The following PGM3 variants were observed in gnomAD, a reference collection of about 807,000 sequenced individuals.
The protein encoded by PGM3 is phosphoglucomutase 3.
Under a neutral mutation model 66.2 loss-of-function variants are expected in PGM3, and 40 were observed. The observed-to-expected ratio is 0.60, with a 90% confidence interval of 0.47 to 0.79. The LOEUF is 0.79. Among genes scored for constraint, PGM3 ranks in the 30% least tolerant of loss-of-function variants. The probability of loss-of-function intolerance (pLI) is 0.00; values close to 1 mark genes in which losing one functional copy is unlikely to be tolerated. For synonymous variants in PGM3, 191 were observed against 224.2 expected (o/e 0.85, Z 1.32); for missense variants, 537 against 643.4 (o/e 0.83, Z 1.79).
downstream of PGM3, chr6:83,159,714 T>A (rs59285083): frequency 4.7e-4 from 691 of 1,477,422 alleles, 6 homozygotes; most frequent in African/African-American, 6.6e-3. Flanking sequence ...ATGAAAAATA[T>A]TAGCTGGTAC....
chr6:83,191,416 G>C, intron 1 of PGM3: 1 of 609,510 alleles, frequency 1.6e-6, no homozygotes, highest in South Asian at 2.0e-5. Context: ...AATTAACATA[G>C]ATAGCTGGTG....
At chr6:83,161,321 A>G (rs572984139), downstream of PGM3, 14 of 152,172 alleles carry the variant, frequency 9.2e-5, no homozygotes, top group Non-Finnish European at 1.8e-4. Context: ...AAAAATCTAT[A>G]AAGTAGAAAG....
chr6:83,162,938 ATTGT>A, downstream of PGM3: 1 of 1,605,584 alleles, frequency 6.2e-7, no homozygotes, highest in Non-Finnish European at 8.5e-7. Flanking sequence ...TTCTTTTGTG[ATTGT>A]TTTGTTTTAC....
chr6:83,188,414 T>A, intron 3 of PGM3, 200 bp downstream of exon 3: 1 of 504,974 alleles, frequency 2.0e-6, no homozygotes, highest in Non-Finnish European at 3.5e-6. Flanking sequence ...AGTAGGGTTT[T>A]AAACCAGAGT....
chr6:83,174,451 G>T lies in PGM3; in HGVS notation c.1165C>A (p.Gln389Lys). Residue 389 changes from glutamine to lysine, a missense_variant, in exon 10 of 13, where the codon CAA (glutamine) becomes AAA (lysine). By Grantham distance (53) the Gln-to-Lys change is moderately conservative. Transcript: ENST00000513973. ...FSTAVEMKIK[Q>K]SAEQLEDKKR... ...TTATCTTCCAGTTGTTCTGCTGATT[G>T]TTTTATCTTCATTTCAACAGCTGTA... The T allele has an allele frequency of 1.2e-6, 2 of 1,603,592 alleles. No homozygotes were observed. The highest frequency in any genetic ancestry group is 1.7e-5 in the Admixed American group (1 of 58,482).
At chr6:83,148,858 A>T in the PGM3 span, 8 of 1,521,770 alleles carry the variant, frequency 5.3e-6, no homozygotes, top group Non-Finnish European at 6.1e-6. Flanking sequence ...AGTTTCTTAT[A>T]CTTGGGTAAG....
At chr6:83,193,790 C>T (rs1010127597), upstream of PGM3, 9 of 152,520 alleles carry the variant, frequency 5.9e-5, no homozygotes, top group African/African-American at 1.9e-4. Context: ...CTGTAAACAT[C>T]TTTTATTTAA....
chr6:83,174,061 T>C (rs1039256605), intron 10 of PGM3, among the ~76,000 whole-genome samples: 1 of 152,052 alleles, frequency 6.6e-6, no homozygotes, highest in Non-Finnish European at 1.5e-5. Context: ...TTTACTTAAT[T>C]TCATCGAGGT....
intron 9 of PGM3, among the ~76,000 whole-genome samples, chr6:83,175,440 C>G (rs767237229): frequency 9.9e-5 from 15 of 152,028 alleles, no homozygotes; most frequent in Non-Finnish European, 1.8e-4. Flanking sequence ...CAAGTGTATT[C>G]ATTAAATGAG....
intron 11 of PGM3, 60 bp from the exon 12 acceptor site, chr6:83,170,538 G>T: frequency 7.6e-7 from 1 of 1,319,240 alleles, no homozygotes; most frequent in Non-Finnish European, 1.1e-6. Context: ...AGCTTAACCT[G>T]TTAAACATAC....
chr6:83,166,381 G>A lies in PGM3; in HGVS notation c.*2853C>T. The stretch of plus-strand genomic sequence containing the variant: ...TCTAGTCTCCTTTGCAAAACTTCTT[G>A]AGCCATCACGGCACTGTATGTTCAT... On this transcript the variant is annotated 3_prime_UTR_variant, in exon 13 of 13. Transcript: ENST00000513973. The A allele has an allele frequency of 1.4e-6, 1 of 700,596 alleles. No individual in the cohort carries two copies. Among genetic ancestry groups the A allele is most frequent in the Non-Finnish European group, 2.6e-6 (1 of 384,176 alleles). 43.4% of individuals were successfully genotyped at this position (700,596 alleles called of 1,614,324 possible). A position where few individuals can be genotyped will look rare whatever the true frequency, so the allele number is the denominator to read the frequency against.
chr6:83,188,914 C>A, intron 2 of PGM3, 116 bp from the exon 3 acceptor site: 1 of 692,766 alleles, frequency 1.4e-6, no homozygotes, highest in Non-Finnish European at 2.4e-6. Context: ...GCAGCTTCAA[C>A]AATAAACACC....
chr6:83,155,165 A>C, the PGM3 span, among the ~76,000 whole-genome samples: 3 of 152,128 alleles, frequency 2.0e-5, no homozygotes, highest in Non-Finnish European at 2.9e-5. Flanking sequence ...ATAGGGAACA[A>C]GAATTACAAA....
Position 83,187,060 on chromosome 6 carries a change from T to C in PGM3, c.405A>G (p.Lys135=), listed in dbSNP as rs777989465. The C allele has an allele frequency of 2.2e-5, 35 of 1,600,458 alleles. No homozygotes were observed. The highest frequency in any genetic ancestry group is 2.9e-5 in the Non-Finnish European group (34 of 1,167,944). The change falls in exon 4 of 13, where the codon AAA becomes AAG. Residue 135 remains lysine, a synonymous_variant. Coordinates refer to ENST00000513973, the MANE Select transcript of PGM3 (RefSeq NM_015599.3). ...IGRDTRPSSE[K]LSQSVIDGVT... ...CACCATCTATTACAGATTGTGAAAG[T>C]TTCTCACTGCTGGGCCTAGGAAAGA...
downstream of PGM3, among the ~76,000 whole-genome samples, chr6:83,164,062 G>C (rs111485216): frequency 8.5e-3 from 1,266 of 148,644 alleles, 18 homozygotes; most frequent in African/African-American, 0.03. Flanking sequence ...AAATCAAATT[G>C]TACAATTTGG....
rs1177407368 is a variant in PGM3, at chr6:83,167,130, T to C, written c.*2104A>G. On this transcript the variant is annotated 3_prime_UTR_variant, in exon 13 of 13. Transcript: ENST00000513973. ...ACAGAGTTTTCACATACCTTCTCATTTGACTTCTCTACTAAAAGGTAGTTT... is the reference window on the plus strand; with the variant it reads ...ACAGAGTTTTCACATACCTTCTCATCTGACTTCTCTACTAAAAGGTAGTTT... 2.1e-6 allele frequency: 2 copies of C among 945,102 alleles called. No homozygotes were observed. Among genetic ancestry groups the C allele is most frequent in the Admixed American group, 6.2e-5 (1 of 16,214 alleles). 58.5% of individuals were successfully genotyped at this position (945,102 alleles called of 1,614,324 possible).
chr6:83,172,388 G>A (rs1787301635), intron 10 of PGM3, among the ~76,000 whole-genome samples: 1 of 152,242 alleles, frequency 6.6e-6, no homozygotes, highest in African/African-American at 2.4e-5. Flanking sequence ...ACTCCAGCCT[G>A]GGCAACATAG....
chr6:83,161,271 T>C (rs1784172280), downstream of PGM3: 1 of 152,182 alleles, frequency 6.6e-6, no homozygotes, highest in South Asian at 2.1e-4. Context: ...CATGCCGTTA[T>C]ATTAATTAGT....
the PGM3 span, chr6:83,151,667 A>T: frequency 6.3e-7 from 1 of 1,598,758 alleles, no homozygotes; most frequent in Non-Finnish European, 8.5e-7. Flanking sequence ...CAGGTAAGGC[A>T]GTCTAAGAGC....
Sources: allele counts gnomAD v4.1 joint callset (sites outside exome capture counted in the v4.1 genomes callset), GRCh38; gene constraint gnomAD v4.1.1; transcripts MANE v1.5; gene names NCBI Gene and HGNC (gene_info 2026-07-23, HGNC 2026-07-21).